MED12L: variants seen among roughly 807,000 people sequenced by gnomAD.
MED12L encodes the protein mediator complex subunit 12L.
A neutral mutation model predicts 281.3 loss-of-function variants in MED12L; 60 were observed. That is an observed-to-expected ratio of 0.21 (90% CI 0.17 to 0.26). The LOEUF (loss-of-function observed/expected upper bound fraction) is 0.26, where lower values mean the gene tolerates loss of function less well. Among genes scored for constraint, MED12L ranks in the 10% least tolerant of loss-of-function variants. The pLI is 1.00. For synonymous variants in MED12L, 974 were observed against 987.2 expected (o/e 0.99, Z 0.25); for missense variants, 2,146 against 2,680.9 (o/e 0.80, Z 4.41).
At position 151,085,849 on chromosome 3, in the gene MED12L, C is replaced by A. The variant is rs1413744280; in HGVS notation, c.-217C>A. On this transcript the variant is annotated 5_prime_UTR_variant, in exon 1 of 45. Transcript: ENST00000687756. Reference sequence around the variant, plus strand: ...CGCACAAATAAAATCAAATCCAAGTCCCCCATCCCAACCCGAATGATGGAG... The same window carrying A: ...CGCACAAATAAAATCAAATCCAAGTACCCCATCCCAACCCGAATGATGGAG... The A allele has an allele frequency of 2.0e-5, 3 of 152,064 alleles. No individual in the cohort carries two copies. Among genetic ancestry groups the A allele is most frequent in the African/African-American group, 7.2e-5 (3 of 41,434 alleles). 9.4% of individuals were successfully genotyped at this position (152,064 alleles called of 1,614,324 possible).
intron 2 of MED12L, among the ~76,000 whole-genome samples, chr3:151,108,757 G>A (rs575317757): frequency 3.0e-4 from 46 of 152,272 alleles, no homozygotes; most frequent in East Asian, 1.9e-3. Context: ...TGTTCTGTGC[G>A]ATAGAGGGTG....
At chr3:151,237,335 GCTTTTTTTTTTTTT>G (rs1243392396) in intron 16 of MED12L, among the ~76,000 whole-genome samples, 4 of 120,818 alleles carry the variant, frequency 3.3e-5, no homozygotes, top group African/African-American at 1.3e-4. Context: ...ACCACGCCTG[GCTTTTTTTTTTTTT>G]CTTTTTTTTT....
Position 151,380,205 on chromosome 3 carries a change from T to G in MED12L, c.4571T>G (p.Leu1524Arg). ...CAAAGGGAAGGCCTCCTAACATCTC[T>G]CCAGAATCAAGTTAACCAGGTAAAG... ...DEQREGLLTSLQNQVNQILSN... is the reference protein window; with the variant it reads ...DEQREGLLTSRQNQVNQILSN... The change falls in exon 32 of 45, where the codon CTC (leucine) becomes CGC (arginine). Residue 1524 changes from leucine to arginine, a missense_variant. Leu to Arg is a moderately radical substitution (Grantham distance 102). This residue lies in a region of MED12L where 212 missense variants were observed against 340.8 expected (regional missense o/e 0.62). Transcript: ENST00000687756. 1 of 1,604,176 alleles carries G rather than the reference T, an allele frequency of 6.2e-7. No individual in the cohort carries two copies. Among genetic ancestry groups the G allele is most frequent in the Non-Finnish European group, 8.5e-7 (1 of 1,174,618 alleles).
chr3:151,279,391 G>C (rs1742438338), intron 16 of MED12L, among the ~76,000 whole-genome samples: 1 of 152,210 alleles, frequency 6.6e-6, no homozygotes, highest in South Asian at 2.1e-4. Context: ...CAGTGTTCTG[G>C]ACATTGGAGA....
intron 16 of MED12L, among the ~76,000 whole-genome samples, chr3:151,257,276 A>G (rs922343467): frequency 3.3e-5 from 5 of 152,182 alleles, no homozygotes; most frequent in African/African-American, 1.2e-4. Context: ...TTGTAGTTTA[A>G]ATATTTTCAG....
chr3:151,383,679 T>A, intron 33 of MED12L, 100 bp from the exon 34 acceptor site: 2 of 715,278 alleles, frequency 2.8e-6, no homozygotes, highest in Non-Finnish European at 4.6e-6. Flanking sequence ...CATCCCTTGT[T>A]TTTTTAAATA....
chr3:151,292,288 C>CTTTTTTTTTTTTTTTTTTT (rs35742538), intron 16 of MED12L, among the ~76,000 whole-genome samples: 2 of 139,894 alleles, frequency 1.4e-5, no homozygotes, highest in Admixed American at 7.0e-5. Context: ...AATATTGCTC[C>CTTTTTTTTTTTTTTTTTTT]TTTTTTTTTT....
chr3:151,147,077 C>T (rs1228766313), intron 5 of MED12L, among the ~76,000 whole-genome samples: 7 of 152,102 alleles, frequency 4.6e-5, no homozygotes, highest in Admixed American at 3.9e-4. Context: ...AACTTTTAAA[C>T]CCTTTTATTA....
rs776438682 is a variant in MED12L, at chr3:151,355,227, A to G, written c.2505A>G (p.Gln835=). The G allele has an allele frequency of 3.7e-6, 6 of 1,610,308 alleles. No individual in the cohort carries two copies. Among genetic ancestry groups the G allele is most frequent in the Admixed American group, 1.7e-5 (1 of 59,854 alleles). ...LQLLSYFDQH[Q]VTSQISNNVL... is the part of the protein sequence containing the mutation. ...TCCTTTCATATTTTGATCAACATCA[A>G]GTGACATCTCAGGTAGCTATTTAAA... The change falls in exon 18 of 45, where the codon CAA becomes CAG. Residue 835 remains glutamine (Q), a synonymous_variant. Transcript: ENST00000687756.
chr3:151,256,944 C>G (rs913963060), intron 16 of MED12L, among the ~76,000 whole-genome samples: 1 of 150,226 alleles, frequency 6.7e-6, no homozygotes, highest in Non-Finnish European at 1.5e-5. Flanking sequence ...AATCAAATAT[C>G]ACTTATCAAG....
chr3:151,151,031 C>CTTTTTTTTTGTTTTTTTTTTTTTTTTTT (rs1718404126), intron 5 of MED12L, among the ~76,000 whole-genome samples: 2 of 32,880 alleles, frequency 6.1e-5, no homozygotes, highest in Non-Finnish European at 1.1e-4. Flanking sequence ...GCTGAAGTAG[C>CTTTTTTTTTGTTTTTTTTTTTTTTTTTT]TTTTTTTTTT....
Position 151,355,188 on chromosome 3 carries a change from C to A in MED12L, c.2466C>A (p.Phe822Leu). The change falls in exon 18 of 45, where the codon TTC becomes TTA. Residue 822 changes from phenylalanine (F) to leucine (L), a missense_variant. Phe to Leu is a conservative substitution (Grantham distance 22). This residue lies in a region of MED12L where 404 missense variants were observed against 603.5 expected (regional missense o/e 0.67). Coordinates refer to ENST00000687756, the MANE Select transcript of MED12L (RefSeq NM_001393769.1). ...CATTTCCAACACTGGAGACTGTGTT[C>A]ACTAAACTCCAGCTCCTTTCATATT... The part of the protein sequence containing the change: ...QETFPTLETV[F>L]TKLQLLSYFD... The A allele has an allele frequency of 6.2e-7, 1 of 1,613,900 alleles. No homozygotes were observed. The highest frequency in any genetic ancestry group is 8.5e-7 in the Non-Finnish European group (1 of 1,179,864).
At chr3:151,337,496 A>C (rs1224562820) in intron 16 of MED12L, 2 of 251,620 alleles carry the variant, frequency 7.9e-6, no homozygotes, top group Non-Finnish European at 1.5e-5. Context: ...GTATTTTAAA[A>C]ATTACAGTAA....
chr3:151,286,627 C>T (rs941608357), intron 16 of MED12L, among the ~76,000 whole-genome samples: 5 of 152,144 alleles, frequency 3.3e-5, no homozygotes, highest in African/African-American at 1.2e-4. Flanking sequence ...TGGCTGGATT[C>T]ATGGAGTTCT....
intron 11 of MED12L, among the ~76,000 whole-genome samples, chr3:151,167,951 G>A (rs984434066): frequency 2.6e-5 from 4 of 152,130 alleles, no homozygotes; most frequent in African/African-American, 9.7e-5. Context: ...TTGTTTCCTG[G>A]TGAGGGTTTT....
chr3:151,426,330 T>A (rs1385834381), intron 43 of MED12L, among the ~76,000 whole-genome samples: 4 of 152,184 alleles, frequency 2.6e-5, no homozygotes, highest in Non-Finnish European at 5.9e-5. Context: ...CATACAGGGT[T>A]CAGTTCTTCA....
intron 16 of MED12L, among the ~76,000 whole-genome samples, chr3:151,318,432 G>A (rs1338060567): frequency 6.6e-6 from 1 of 151,714 alleles, no homozygotes. Flanking sequence ...TTTAGTTTGG[G>A]AGATTTGTCC....
In MED12L at chr3:151,285,695, AT is replaced by A. The variant is rs1439115831; in HGVS notation, c.2251-64363del. Among the ~76,000 whole-genome samples the A allele has an allele frequency of 9.2e-5, 14 of 152,128 alleles. No individual in the cohort carries two copies. The East Asian group carries it at 1.9e-3, about 21-fold the overall frequency. Reference sequence around the variant, plus strand: ...AAAAACCTATTGAAATAAAAAAAAAATAAAAGAAAAAAACATATTGAAATCT... The same window carrying A: ...AAAAACCTATTGAAATAAAAAAAAAAAAAAGAAAAAAACATATTGAAATCT... On this transcript the variant is annotated intron_variant, in intron 16 of 44. Transcript: ENST00000687756.
chr3:151,170,908 G>C (rs1205570838), intron 11 of MED12L, among the ~76,000 whole-genome samples: 1 of 152,118 alleles, frequency 6.6e-6, no homozygotes. Flanking sequence ...TGTCTGAAGA[G>C]GGAAGCCTCT....
Sources: allele counts gnomAD v4.1 joint callset (sites outside exome capture counted in the v4.1 genomes callset), GRCh38; gene constraint gnomAD v4.1.1; regional missense constraint gnomAD v4.1.1; transcripts MANE v1.5; gene names NCBI Gene and HGNC (gene_info 2026-07-23, HGNC 2026-07-21).